Variants in ATIC observed in about 807,000 individuals in gnomAD.
The protein encoded by ATIC is 5-aminoimidazole-4-carboxamide ribonucleotide formyltransferase/IMP cyclohydrolase.
ATIC carries 64 observed loss-of-function variants against 72.5 expected under a neutral mutation model. That is an observed-to-expected ratio of 0.88 (90% CI 0.72 to 1.09). ATIC has a LOEUF of 1.09. Ranked by LOEUF, ATIC falls within the 50% of genes least tolerant of loss-of-function variation. ATIC has a pLI of 0.00. For synonymous variants in ATIC, 281 were observed against 267.1 expected (o/e 1.05, Z -0.51); for missense variants, 787 against 732.4 (o/e 1.07, Z -0.86).
intron 10 of ATIC, 79 bp from the exon 11 acceptor site, chr2:215,335,956 C>CG (rs1434786543): frequency 1.9e-5 from 21 of 1,119,942 alleles, no homozygotes; most frequent in Non-Finnish European, 2.3e-5. Flanking sequence ...TTATTTAAGA[C>CG]TGATAATTGC....
chr2:215,341,844 A>G (rs1477559555), intron 12 of ATIC, among the ~76,000 whole-genome samples: 3 of 152,152 alleles, frequency 2.0e-5, no homozygotes, highest in Non-Finnish European at 4.4e-5. Context: ...TCACGCTGCT[A>G]TGAAGAAATT....
intron 9 of ATIC, among the ~76,000 whole-genome samples, chr2:215,334,621 A>G (rs1212157353): frequency 6.6e-6 from 1 of 152,228 alleles, no homozygotes; most frequent in East Asian, 1.9e-4. Context: ...TTTATCATCT[A>G]CAGCAGTGGT....
intron 9 of ATIC, among the ~76,000 whole-genome samples, chr2:215,334,189 CTTTTTTTTTTT>C (rs551274501): frequency 7.6e-4 from 77 of 100,978 alleles, no homozygotes; most frequent in South Asian, 2.0e-3. Context: ...AAAAGCTATT[CTTTTTTTTTTT>C]TTTTTTTTTT....
chr2:215,344,979 A>G (rs542656368), intron 13 of ATIC, 108 bp downstream of exon 13: 424 of 1,195,612 alleles, frequency 3.5e-4, no homozygotes, highest in Admixed American at 1.1e-3. Flanking sequence ...ATATTTGCCA[A>G]ATGTTTGTCT....
At chr2:215,348,005 C>G (rs2053090269) in intron 14 of ATIC, among the ~76,000 whole-genome samples, 2 of 152,140 alleles carry the variant, frequency 1.3e-5, no homozygotes, top group African/African-American at 4.8e-5. Flanking sequence ...TGGCACAGCC[C>G]TCTCTGGAAA....
chr2:215,336,901 A>G (rs750556552), intron 11 of ATIC, among the ~76,000 whole-genome samples: 47 of 152,218 alleles, frequency 3.1e-4, no homozygotes, highest in Non-Finnish European at 5.9e-4. Flanking sequence ...CTGTTTCCCA[A>G]CACTTTTGTC....
the ATIC span, among the ~76,000 whole-genome samples, chr2:215,356,041 C>A: frequency 6.6e-6 from 1 of 152,220 alleles, no homozygotes. Context: ...CTCCTACTTA[C>A]AAGCTATGTG....
At chr2:215,347,478 A>G (rs1254700748) in intron 14 of ATIC, 2 of 419,578 alleles carry the variant, frequency 4.8e-6, no homozygotes, top group East Asian at 5.3e-5. Flanking sequence ...TTAGGTAGGT[A>G]GCCCGCCAGA....
the ATIC span, chr2:215,365,809 T>TA: frequency 0.015 from 2,488 of 161,254 alleles, 12 homozygotes; most frequent in African/African-American, 0.058. Flanking sequence ...ACTTTTTATT[T>TA]TTTTTTTTTT....
At chr2:215,366,231 A>G in the ATIC span, among the ~76,000 whole-genome samples, 1 of 152,158 alleles carries the variant, frequency 6.6e-6, no homozygotes, top group African/African-American at 2.4e-5. Context: ...AGAATAGTCA[A>G]ATGAAATGAC....
chr2:215,343,158 T>A (rs991249816), intron 12 of ATIC, among the ~76,000 whole-genome samples: 2 of 144,824 alleles, frequency 1.4e-5, no homozygotes, highest in African/African-American at 5.1e-5. Flanking sequence ...TATTGCTACT[T>A]TTTTTTTTTT....
At chr2:215,364,762 G>A in the ATIC span, 1 of 724,734 alleles carries the variant, frequency 1.4e-6, no homozygotes, top group Non-Finnish European at 2.5e-6. Flanking sequence ...AACAGGAAAT[G>A]TGGTATTTTA....
the ATIC span, among the ~76,000 whole-genome samples, chr2:215,360,216 G>A: frequency 6.6e-6 from 1 of 152,218 alleles, no homozygotes; most frequent in African/African-American, 2.4e-5. Flanking sequence ...GGGATTAGAG[G>A]TGTGAGCCAC....
intron 2 of ATIC, among the ~76,000 whole-genome samples, chr2:215,316,333 G>A (rs2052708987): frequency 6.6e-6 from 1 of 152,156 alleles, no homozygotes; most frequent in African/African-American, 2.4e-5. Context: ...GTGGATGTTG[G>A]AACTGTGTGT....
intron 10 of ATIC, 48 bp from the exon 11 acceptor site, chr2:215,335,987 T>C (rs757393326): frequency 9.2e-6 from 13 of 1,414,372 alleles, no homozygotes; most frequent in Non-Finnish European, 1.3e-5. Flanking sequence ...TTTTAAGAGG[T>C]GTTCTCTGAT....
chr2:215,352,598 TAAAC>T (rs1271727767), downstream of ATIC, among the ~76,000 whole-genome samples: 1 of 150,594 alleles, frequency 6.6e-6, no homozygotes, highest in African/African-American at 2.5e-5. Flanking sequence ...AAAAAAAAAT[TAAAC>T]TATTAGAAAA....
At chr2:215,320,611 G>T (rs1006332890) in intron 4 of ATIC, among the ~76,000 whole-genome samples, 2 of 151,958 alleles carry the variant, frequency 1.3e-5, no homozygotes, top group African/African-American at 4.8e-5. Flanking sequence ...ACAGGGTCTC[G>T]CTCTGTTGCT....
intron 12 of ATIC, among the ~76,000 whole-genome samples, chr2:215,343,338 T>A (rs2053039691): frequency 6.6e-6 from 1 of 151,352 alleles, no homozygotes; most frequent in Non-Finnish European, 1.5e-5. Flanking sequence ...TGTTACTGAG[T>A]TTTTTTGTTT....
At chr2:215,360,408 G>A in the ATIC span, 1 of 152,102 alleles carries the variant, frequency 6.6e-6, no homozygotes, top group African/African-American at 2.4e-5. Flanking sequence ...TCATACCATG[G>A]GGTTTCCCTA....
Sources: allele counts gnomAD v4.1 joint callset (sites outside exome capture counted in the v4.1 genomes callset), GRCh38; gene constraint gnomAD v4.1.1; transcripts MANE v1.5; gene names NCBI Gene and HGNC (gene_info 2026-07-23, HGNC 2026-07-21).